GAS6: variants seen among roughly 807,000 people sequenced by gnomAD.
GAS6 encodes growth arrest specific 6, also known as growth arrest-specific protein 6.
Under a neutral mutation model 75.8 loss-of-function variants are expected in GAS6, and 41 were observed. The observed-to-expected ratio is 0.54, with a 90% CI of 0.42 to 0.70. The LOEUF (loss-of-function observed/expected upper bound fraction) is 0.70. GAS6 is among the 30% of genes least tolerant of loss of function. GAS6 has a pLI of 0.00. For synonymous variants in GAS6, 432 were observed against 412.6 expected (o/e 1.05, Z -0.57); for missense variants, 854 against 940.2 (o/e 0.91, Z 1.20).
Position 113,834,876 on chromosome 13 carries a change from T to C in GAS6, c.713-204A>G, listed in dbSNP as rs576760094. ...GGCCTGCTCCTGCCCGGGCTCTTTC[T>C]TGAGGGAATAAAAATGTCGCAGGTG... is the stretch of plus-strand genomic sequence containing the variant. On this transcript the variant is annotated intron_variant, in intron 7 of 14. Transcript: ENST00000327773. 552 of 450,706 alleles carry C rather than the reference T, an allele frequency of 1.2e-3. 1 individual carries two copies. Among genetic ancestry groups the C allele is most frequent in the Non-Finnish European group, 1.6e-3 (443 of 269,792 alleles). 27.9% of individuals were successfully genotyped at this position (450,706 alleles called of 1,614,324 possible).
intron 10 of GAS6, 141 bp downstream of exon 10, chr13:113,832,158 G>C (rs2051636410): frequency 3.1e-6 from 3 of 961,118 alleles, no homozygotes; most frequent in Non-Finnish European, 4.6e-6. Flanking sequence ...ACTAAACGGG[G>C]CAGGGGTCCC....
At chr13:113,849,179 C>T (rs1256623957) in intron 2 of GAS6, among the ~76,000 whole-genome samples, 1 of 152,188 alleles carries the variant, frequency 6.6e-6, no homozygotes, top group East Asian at 1.9e-4. Context: ...AGATGGGATG[C>T]TCTTAAACTC....
At chr13:113,829,300 C>T (rs1311961019) in intron 10 of GAS6, among the ~76,000 whole-genome samples, 1 of 150,706 alleles carries the variant, frequency 6.6e-6, no homozygotes, top group Non-Finnish European at 1.5e-5. Context: ...ACCTGATCCT[C>T]ACCTGGGCGA....
At chr13:113,842,739 G>A (rs1035096259) in intron 4 of GAS6, 2 of 397,120 alleles carry the variant, frequency 5.0e-6, no homozygotes, top group South Asian at 1.3e-4. Flanking sequence ...ATGGAGGGAT[G>A]TCTGGGGGAT....
intron 11 of GAS6, among the ~76,000 whole-genome samples, chr13:113,828,292 C>T (rs1594191848): frequency 6.6e-6 from 1 of 152,158 alleles, no homozygotes; most frequent in African/African-American, 2.4e-5. Flanking sequence ...TTAATTGTGT[C>T]TTATCTCCAT....
Position 113,820,710 on chromosome 13 carries a change from CA to C in GAS6, c.*153del. 1.1e-6 allele frequency: 1 copy of C among 929,576 alleles called. No homozygotes were observed. The highest frequency in any genetic ancestry group is 1.6e-6 in the Non-Finnish European group (1 of 639,544). 57.6% of individuals were successfully genotyped at this position (929,576 alleles called of 1,614,324 possible). Reference sequence around the variant, plus strand: ...GCTGAGTGCGCGGCGTCAGAGGCCCCAAGTCCATCTCACTATTTACAGATAT... The same window carrying C: ...GCTGAGTGCGCGGCGTCAGAGGCCCCAGTCCATCTCACTATTTACAGATAT... On this transcript the variant is annotated 3_prime_UTR_variant, in exon 15 of 15. Coordinates refer to ENST00000327773, the MANE Select transcript of GAS6 (RefSeq NM_000820.4).
rs961895071 is a variant in GAS6 at position 113,820,835 on chromosome 13, C to CT, written c.*28dup. 15 of 1,601,208 alleles carry CT rather than the reference C, an allele frequency of 9.4e-6. No individual in the cohort carries two copies. The Admixed American group carries it at 1.0e-4, about 11-fold the overall frequency. ...TCCTCCCGGCTGTCTCGGACAGAGACTGAGAAGCCTGCCGCGTCCCGTGGG... is the reference window on the plus strand; with the variant it reads ...TCCTCCCGGCTGTCTCGGACAGAGACTTGAGAAGCCTGCCGCGTCCCGTGGG... On this transcript the variant is annotated 3_prime_UTR_variant, in exon 15 of 15. Transcript: ENST00000327773.
At chr13:113,842,494 G>C in intron 4 of GAS6, 1 of 396,064 alleles carries the variant, frequency 2.5e-6, no homozygotes, top group Non-Finnish European at 4.4e-6. Context: ...TCGCCCGGCT[G>C]TACCTGGGTG....
intron 2 of GAS6, among the ~76,000 whole-genome samples, chr13:113,852,318 C>T (rs1017809772): frequency 6.6e-6 from 1 of 152,120 alleles, no homozygotes; most frequent in African/African-American, 2.4e-5. Flanking sequence ...CGGGGCTGGT[C>T]GAGGCTGGGA....
intron 2 of GAS6, among the ~76,000 whole-genome samples, chr13:113,853,985 G>A (rs932605553): frequency 7.2e-5 from 11 of 152,230 alleles, no homozygotes; most frequent in Admixed American, 2.0e-4. Flanking sequence ...ACAGGAGGCA[G>A]TGCATGGCCC....
chr13:113,823,702 T>C, intron 12 of GAS6, 152 bp from the exon 13 acceptor site: 1 of 788,314 alleles, frequency 1.3e-6, no homozygotes, highest in Non-Finnish European at 2.0e-6. Flanking sequence ...CTCAACAGAC[T>C]GGTTCAGATC....
intron 2 of GAS6, among the ~76,000 whole-genome samples, chr13:113,852,285 G>A (rs2051882040): frequency 6.6e-6 from 1 of 152,228 alleles, no homozygotes; most frequent in African/African-American, 2.4e-5. Flanking sequence ...CCAAAAGATT[G>A]GACGTCCCCG....
chr13:113,850,836 AGATGGATG>A (rs1048180182), intron 2 of GAS6, among the ~76,000 whole-genome samples: 4 of 151,640 alleles, frequency 2.6e-5, no homozygotes, highest in African/African-American at 4.8e-5. Context: ...ATAGATGGAT[AGATGGATG>A]GATAGATGCA....
Position 113,845,887 on chromosome 13 carries a change from G to GT in GAS6, c.343+639dup, listed in dbSNP as rs2051829954. 2 of 152,286 alleles carry GT rather than the reference G, an allele frequency of 1.3e-5. No individual in the cohort carries two copies. Among genetic ancestry groups the GT allele is most frequent in the African/African-American group, 4.8e-5 (2 of 41,454 alleles). The allele number at this position is 152,286 out of a possible 1,614,324, so 9.4% of individuals were successfully genotyped here. A position where few individuals can be genotyped will look rare whatever the true frequency, so the allele number is the denominator to read the frequency against. Reference sequence around the variant, plus strand: ...GCTCTGGGATAATTTGGCAGTATCTGTATCCAAAGGAAACATGAGGACTGC... The same window carrying GT: ...GCTCTGGGATAATTTGGCAGTATCTGTTATCCAAAGGAAACATGAGGACTGC... On this transcript the variant is annotated intron_variant, in intron 4 of 14. Coordinates refer to ENST00000327773, the MANE Select transcript of GAS6 (RefSeq NM_000820.4). This position sits in a 1 kb window ranked among gnomAD's most constrained non-coding sequence, Gnocchi z 4.3.
intron 2 of GAS6, among the ~76,000 whole-genome samples, chr13:113,851,556 G>A (rs1210602860): frequency 6.6e-6 from 1 of 151,486 alleles, no homozygotes; most frequent in African/African-American, 2.4e-5. Context: ...TGAGTGAGTG[G>A]ATAGATGAGT....
chr13:113,850,987 A>G (rs2051868735), intron 2 of GAS6, among the ~76,000 whole-genome samples: 1 of 152,164 alleles, frequency 6.6e-6, no homozygotes, highest in Non-Finnish European at 1.5e-5. Context: ...GAATAACCAG[A>G]TGAATGAATG....
At chr13:113,826,650 CTGGCGCCGGCCTCG>C (rs1566354907) in intron 12 of GAS6, among the ~76,000 whole-genome samples, 11 of 103,844 alleles carry the variant, frequency 1.1e-4, no homozygotes, top group South Asian at 8.6e-4. Context: ...CCCCGGCCTC[CTGGCGCCGGCCTCG>C]CAGGCACCTT....
chr13:113,859,748 G>A (rs1226933654), intron 2 of GAS6, among the ~76,000 whole-genome samples: 2 of 152,134 alleles, frequency 1.3e-5, no homozygotes, highest in African/African-American at 4.8e-5. Context: ...ATGTGTGAAT[G>A]TGTGTGCATG....
At chr13:113,834,408 A>G (rs913371385) in intron 8 of GAS6, 143 bp downstream of exon 8, 4 of 874,820 alleles carry the variant, frequency 4.6e-6, no homozygotes, top group Non-Finnish European at 6.4e-6. Flanking sequence ...AGCGTTTCTC[A>G]TCCCAAACCT....
Sources: gnomAD v4.1 joint callset for allele counts (sites outside exome capture counted in the v4.1 genomes callset) on GRCh38, gnomAD v4.1.1 for gene constraint, Gnocchi (gnomAD v3.1) non-coding constraint, MANE v1.5 for transcripts, NCBI Gene and HGNC (gene_info 2026-07-23, HGNC 2026-07-21) for gene names.